PALM2AKAP2: variants seen among roughly 807,000 people sequenced by gnomAD.
PALM2AKAP2 encodes the protein PALM2-AKAP2 fusion protein.
PALM2AKAP2 carries 37 observed loss-of-function variants against 71.5 expected under a neutral mutation model. The ratio of observed to expected loss-of-function variants is 0.52; its 90% CI spans 0.40 to 0.68. The LOEUF is 0.68. Among genes scored for constraint, PALM2AKAP2 ranks in the 30% least tolerant of loss-of-function variants. The pLI is 0.00. For missense variants in PALM2AKAP2, 1,224 were observed against 1,191.8 expected (o/e 1.03, Z -0.40); for synonymous variants, 468 against 478.8 (o/e 0.98, Z 0.29).
At chr9:109,901,037 A>G (rs1435408818) in intron 3 of PALM2AKAP2, among the ~76,000 whole-genome samples, 1 of 152,208 alleles carries the variant, frequency 6.6e-6, no homozygotes, top group East Asian at 1.9e-4. Context: ...AATGGTTGCT[A>G]TTGAGATGGA....
rs140171189 is a variant in PALM2AKAP2, at chr9:109,766,267, G to C, written c.6-14221G>C. On this transcript the variant is annotated intron_variant, in intron 1 of 6. Transcript: ENST00000374531. Reference sequence around the variant, plus strand: ...GACCCTGCCCAGTGGGAATAGTATTGTCACCCCTGTTTTTGGCACAAATGA... The same window carrying C: ...GACCCTGCCCAGTGGGAATAGTATTCTCACCCCTGTTTTTGGCACAAATGA... 2.2e-3 allele frequency among the ~76,000 whole-genome samples: 337 copies of C among 152,290 alleles called. 3 individuals are homozygous for C. Among genetic ancestry groups the C allele is most frequent in the African/African-American group, 7.0e-3 (289 of 41,572 alleles).
At chr9:109,788,616 G>A (rs1055074068) in intron 1 of PALM2AKAP2, among the ~76,000 whole-genome samples, 4 of 152,168 alleles carry the variant, frequency 2.6e-5, no homozygotes, top group South Asian at 4.1e-4. Context: ...AAGTGTAGGA[G>A]ATCAATAGTA....
intron 3 of PALM2AKAP2, among the ~76,000 whole-genome samples, chr9:109,896,349 A>C (rs909568287): frequency 1.3e-5 from 2 of 152,062 alleles, no homozygotes; most frequent in Non-Finnish European, 2.9e-5. Context: ...TGAGATTTGG[A>C]TGGGGACACA....
At chr9:109,872,511 C>T (rs1829625858) in intron 2 of PALM2AKAP2, among the ~76,000 whole-genome samples, 1 of 152,148 alleles carries the variant, frequency 6.6e-6, no homozygotes, top group Admixed American at 6.5e-5. Flanking sequence ...TTGCTAATAC[C>T]ACGTCTTCAA....
At chr9:109,970,859 C>A (rs1248937567) in intron 6 of PALM2AKAP2, among the ~76,000 whole-genome samples, 1 of 152,196 alleles carries the variant, frequency 6.6e-6, no homozygotes, top group African/African-American at 2.4e-5. Context: ...GTAATCCCAG[C>A]ACTTTGGGAG....
intron 1 of PALM2AKAP2, among the ~76,000 whole-genome samples, chr9:110,067,686 ACTTT>A (rs1834112069): frequency 1.3e-5 from 2 of 152,232 alleles, no homozygotes; most frequent in African/African-American, 4.8e-5. Flanking sequence ...CAAGGTCTCA[ACTTT>A]CTTTCGGATA....
chr9:110,098,085 G>A (rs971373772), intron 1 of PALM2AKAP2, among the ~76,000 whole-genome samples: 1 of 145,012 alleles, frequency 6.9e-6, no homozygotes, highest in African/African-American at 2.7e-5. Flanking sequence ...CAGGCAGGGA[G>A]GTTGCAGTGA....
intron 1 of PALM2AKAP2, among the ~76,000 whole-genome samples, chr9:109,752,596 G>A (rs1828901020): frequency 6.6e-6 from 1 of 152,166 alleles, no homozygotes; most frequent in Non-Finnish European, 1.5e-5. Flanking sequence ...CAGAATGGGA[G>A]AAGCCCAAGG....
intron 1 of PALM2AKAP2, among the ~76,000 whole-genome samples, chr9:109,708,297 C>T (rs1828173050): frequency 6.6e-6 from 1 of 151,676 alleles, no homozygotes; most frequent in African/African-American, 2.4e-5. Context: ...CCTGTTTTCT[C>T]TTAGTCTGGC....
intron 6 of PALM2AKAP2, among the ~76,000 whole-genome samples, chr9:109,973,437 A>G (rs1832109272): frequency 6.6e-6 from 1 of 152,180 alleles, no homozygotes; most frequent in African/African-American, 2.4e-5. Context: ...TGCCATTCTT[A>G]TGACAGAGAG....
chr9:109,909,621 A>G (rs1194636124), intron 3 of PALM2AKAP2, among the ~76,000 whole-genome samples: 6 of 152,244 alleles, frequency 3.9e-5, no homozygotes, highest in African/African-American at 1.2e-4. Flanking sequence ...TGAATGAGTG[A>G]TTAAAATACA....
intron 1 of PALM2AKAP2, among the ~76,000 whole-genome samples, chr9:110,112,406 A>G (rs1270370017): frequency 6.6e-6 from 1 of 152,178 alleles, no homozygotes; most frequent in Non-Finnish European, 1.5e-5. Context: ...GTGTTCATCC[A>G]CAAAATACGG....
intron 6 of PALM2AKAP2, chr9:109,943,396 A>G (rs1831424076): frequency 6.2e-7 from 1 of 1,612,966 alleles, no homozygotes; most frequent in Non-Finnish European, 8.5e-7. Flanking sequence ...CCAAAAGAAA[A>G]AGCGCTGTCA....
intron 1 of PALM2AKAP2, among the ~76,000 whole-genome samples, chr9:110,117,973 T>TTGTG (rs1171400897): frequency 0.049 from 6,834 of 138,458 alleles, 188 homozygotes; most frequent in African/African-American, 0.062. Flanking sequence ...ATATGTCGTT[T>TTGTG]TGTGTGTGTG....
chr9:109,887,432 A>T (rs554898727), intron 3 of PALM2AKAP2, among the ~76,000 whole-genome samples: 1 of 152,292 alleles, frequency 6.6e-6, no homozygotes, highest in East Asian at 1.9e-4. Flanking sequence ...CAGCCCAATT[A>T]TTGTTTCCAT....
chr9:110,042,973 T>C (rs1268432053), intron 7 of PALM2AKAP2, among the ~76,000 whole-genome samples: 1 of 152,206 alleles, frequency 6.6e-6, no homozygotes, highest in Non-Finnish European at 1.5e-5. Context: ...GTCACCCTGT[T>C]GTCCTAGCAA....
chr9:109,915,783 T>C (rs1163629081), intron 3 of PALM2AKAP2, among the ~76,000 whole-genome samples: 2 of 152,134 alleles, frequency 1.3e-5, no homozygotes, highest in Admixed American at 6.5e-5. Flanking sequence ...GTTAGTATTA[T>C]AATAATTATT....
intron 7 of PALM2AKAP2, among the ~76,000 whole-genome samples, chr9:110,033,007 T>C (rs1437373503): frequency 6.6e-6 from 1 of 152,146 alleles, no homozygotes; most frequent in East Asian, 1.9e-4. Context: ...GGTCAAATTT[T>C]TGGTCTGACT....
chr9:109,848,970 A>T (rs2131616092), intron 1 of PALM2AKAP2, among the ~76,000 whole-genome samples: 1 of 152,156 alleles, frequency 6.6e-6, no homozygotes, highest in East Asian at 1.9e-4. Context: ...AGCCTAAAAT[A>T]TTTATAGTGT....
Sources: gnomAD v4.1 joint callset for allele counts (sites outside exome capture counted in the v4.1 genomes callset) on GRCh38, gnomAD v4.1.1 for gene constraint, MANE v1.5 for transcripts, NCBI Gene and HGNC (gene_info 2026-07-23, HGNC 2026-07-21) for gene names.